Variants in NPAT observed in about 807,000 individuals in gnomAD.
NPAT encodes the protein nuclear protein, coactivator of histone transcription.
Under a neutral mutation model 130.7 loss-of-function variants are expected in NPAT, and 52 were observed. The observed-to-expected ratio is 0.40, with a 90% CI of 0.32 to 0.50. NPAT has a LOEUF of 0.50. Among genes scored for constraint, NPAT ranks in the 20% least tolerant of loss-of-function variants. The pLI, the probability that NPAT is intolerant of heterozygous loss-of-function variation, is 0.68. For missense variants in NPAT, 1,687 were observed against 1,662.6 expected (o/e 1.01, Z -0.26); for synonymous variants, 580 against 584.8 (o/e 0.99, Z 0.12).
intron 10 of NPAT, 76 bp from the exon 11 acceptor site, chr11:108,177,166 C>T: frequency 1.6e-6 from 1 of 643,664 alleles, no homozygotes; most frequent in Non-Finnish European, 2.6e-6. Flanking sequence ...ATATATAAGA[C>T]AGGGTCTCAC....
intron 15 of NPAT, among the ~76,000 whole-genome samples, chr11:108,168,209 C>G (rs1591387097): frequency 6.6e-6 from 1 of 152,058 alleles, no homozygotes; most frequent in East Asian, 1.9e-4. Context: ...GGGAATAAGC[C>G]CCCAAAGAAA....
chr11:108,186,762 T>C (rs1468855352), intron 7 of NPAT, among the ~76,000 whole-genome samples, 193 bp from the exon 8 acceptor site: 1 of 152,182 alleles, frequency 6.6e-6, no homozygotes, highest in Non-Finnish European at 1.5e-5. Context: ...CAGTCTGCAC[T>C]AGGAAGCCCA....
Position 108,169,766 on chromosome 11 carries a change from T to A in NPAT, c.2988A>T (p.Gly996=), listed in dbSNP as rs758051631. The A allele has an allele frequency of 3.1e-6, 5 of 1,612,370 alleles. No individual in the cohort carries two copies. In the Admixed American group the frequency reaches 8.3e-5, roughly 27 times the overall value. ...TACCTATACAAGGCTTGTTTCTTAGTCCCTGAGCCTTCTGAGATTTTGGAG... is the reference window on the plus strand; with the variant it reads ...TACCTATACAAGGCTTGTTTCTTAGACCCTGAGCCTTCTGAGATTTTGGAG... ...PVPPKSQKAQ[G]LRNKPCIGKQ... The change falls in exon 15 of 18, where the codon GGA becomes GGT. Residue 996 remains glycine (G), a synonymous_variant. Transcript: ENST00000278612.
chr11:108,192,925 G>A (rs991592856), intron 3 of NPAT, among the ~76,000 whole-genome samples: 2 of 151,876 alleles, frequency 1.3e-5, no homozygotes, highest in Non-Finnish European at 2.9e-5. Context: ...TTGCACTCCA[G>A]CCTGGGCAAC....
chr11:108,169,630 G>T, intron 15 of NPAT, 114 bp downstream of exon 15: 1 of 790,198 alleles, frequency 1.3e-6, no homozygotes, highest in Non-Finnish European at 2.2e-6. Flanking sequence ...CAAATGTAGG[G>T]TGATCACTTG....
intron 1 of NPAT, among the ~76,000 whole-genome samples, chr11:108,198,746 T>A (rs999209145): frequency 3.9e-5 from 6 of 152,178 alleles, no homozygotes; most frequent in Non-Finnish European, 7.3e-5. Flanking sequence ...CAACCACACA[T>A]GGGGACTACC....
chr11:108,161,464 T>C lies in NPAT; in HGVS notation c.3622A>G (p.Thr1208Ala), dbSNP rs1269371651. ...TTTGAAGATGTGCCTTGTTTTTTGG[T>C]CATTTCTTGCAGTGAAGCTATAGAT... ...EKSIASLQEM[T>A]KKQGTSSNNK... The change falls in exon 17 of 18, where the codon ACC (threonine) becomes GCC (alanine). Residue 1208 changes from threonine (T) to alanine (A), a missense_variant. By Grantham distance (58) the Thr-to-Ala change is moderately conservative. This residue lies in a region of NPAT where 1,379 missense variants were observed against 1,346.6 expected (regional missense o/e 1.02). Transcript: ENST00000278612. The C allele has an allele frequency of 1.2e-6, 2 of 1,614,218 alleles. No homozygotes were observed. The highest frequency in any genetic ancestry group is 1.7e-6 in the Non-Finnish European group (2 of 1,180,042).
chr11:108,196,263 C>G (rs2078219502), intron 2 of NPAT, among the ~76,000 whole-genome samples: 1 of 152,202 alleles, frequency 6.6e-6, no homozygotes, highest in Admixed American at 6.5e-5. Context: ...TTGTCAAAAT[C>G]AGATGTGTGG....
At chr11:108,193,734 C>A (rs560389651) in intron 3 of NPAT, among the ~76,000 whole-genome samples, 2 of 151,616 alleles carry the variant, frequency 1.3e-5, no homozygotes, top group South Asian at 2.1e-4. Context: ...TCAAAAAAAA[C>A]CAAAAAAACA....
intron 1 of NPAT, among the ~76,000 whole-genome samples, chr11:108,202,330 C>G (rs2078282432): frequency 1.3e-5 from 2 of 152,118 alleles, no homozygotes; most frequent in Non-Finnish European, 2.9e-5. Flanking sequence ...AGGTGGCAGA[C>G]CAAGCAGCTA....
chr11:108,172,754 T>A lies in NPAT; in HGVS notation c.2230A>T (p.Ile744Phe), dbSNP rs184005577. The A allele has an allele frequency of 5.6e-6, 9 of 1,613,592 alleles. No individual in the cohort carries two copies. Among genetic ancestry groups the A allele is most frequent in the Admixed American group, 3.3e-5 (2 of 60,028 alleles). The change falls in exon 13 of 18, where the codon ATT becomes TTT. Residue 744 changes from isoleucine to phenylalanine, a missense_variant. Transcript: ENST00000278612. ...ASNIVSLKVI[I>F]SDDPFVSSDT... ...GAGGAAACAAATGGATCATCACTAATGATAACTTTGAGAGAGACGATATTT... is the reference window on the plus strand; with the variant it reads ...GAGGAAACAAATGGATCATCACTAAAGATAACTTTGAGAGAGACGATATTT...
chr11:108,197,321 A>C lies in NPAT; in HGVS notation c.137T>G (p.Phe46Cys). Residue 46 changes from phenylalanine to cysteine, a missense_variant, in exon 2 of 18, where the codon TTT (phenylalanine) becomes TGT (cysteine). By Grantham distance (205) the Phe-to-Cys change is radical (BLOSUM62 -2). Transcript: ENST00000278612. ...ACTCACCAGTAAGCAGGCTGGAATA[A>C]ACCCTTCATCTGTACAATGTTCTGC... is the stretch of plus-strand genomic sequence containing the variant. ...EYAEHCTDEG[F>C]IPACLLSLFG... is the part of the protein sequence containing the mutation. 6.2e-7 allele frequency: 1 copy of C among 1,605,306 alleles called. No homozygotes were observed.
intron 7 of NPAT, among the ~76,000 whole-genome samples, chr11:108,187,384 C>T (rs981477832): frequency 7.9e-5 from 12 of 152,070 alleles, no homozygotes; most frequent in African/African-American, 1.4e-4. Context: ...CCCACAAGTT[C>T]GAGGCTGCAG....
intron 1 of NPAT, among the ~76,000 whole-genome samples, chr11:108,198,315 T>C (rs987583280): frequency 1.2e-4 from 19 of 152,140 alleles, no homozygotes; most frequent in Non-Finnish European, 2.8e-4. Context: ...GTATGGATCA[T>C]ACAGAGTCAA....
intron 7 of NPAT, among the ~76,000 whole-genome samples, chr11:108,186,836 T>C (rs551311709): frequency 1.3e-5 from 2 of 152,266 alleles, no homozygotes; most frequent in Admixed American, 1.3e-4. Flanking sequence ...TAATCTGTGT[T>C]CGGTTGAAAA....
At chr11:108,193,029 C>T (rs1406454254) in intron 3 of NPAT, among the ~76,000 whole-genome samples, 1 of 152,146 alleles carries the variant, frequency 6.6e-6, no homozygotes, top group African/African-American at 2.4e-5. Flanking sequence ...TGCTTATACA[C>T]AGACAATGTC....
In NPAT at chr11:108,177,187, A is replaced by G. The variant is rs146009797; in HGVS notation, c.907-97T>C. The G allele has an allele frequency of 3.4e-3, 1,906 of 553,516 alleles. 16 individuals carry two copies. The highest frequency in any genetic ancestry group is 0.03 in the Middle Eastern group (67 of 2,236). The allele number at this position is 553,516 out of a possible 1,614,324, so 34.3% of individuals were successfully genotyped here. A position where few individuals can be genotyped will look rare whatever the true frequency, so the allele number is the denominator to read the frequency against. On this transcript the variant is annotated intron_variant, in intron 10 of 17. Transcript: ENST00000278612. ...AAGACAGGGTCTCACTCTTTTGCTC[A>G]GGCTGGAGTGTAGTGGTACAGTGGT...
At chr11:108,218,097 T>C (rs962139068) in intron 1 of NPAT, among the ~76,000 whole-genome samples, 1 of 152,242 alleles carries the variant, frequency 6.6e-6, no homozygotes, top group Non-Finnish European at 1.5e-5. Flanking sequence ...ATTACTGTTT[T>C]TTCCTTTTAT....
At chr11:108,218,120 C>A (rs2078450634) in intron 1 of NPAT, among the ~76,000 whole-genome samples, 1 of 152,144 alleles carries the variant, frequency 6.6e-6, no homozygotes, top group Non-Finnish European at 1.5e-5. Flanking sequence ...CTAAAAACAA[C>A]TTAAGAATAA....
Sources: gnomAD v4.1 joint callset for allele counts (sites outside exome capture counted in the v4.1 genomes callset) on GRCh38, gnomAD v4.1.1 for gene constraint, gnomAD v4.1.1 regional missense constraint, MANE v1.5 for transcripts, NCBI Gene and HGNC (gene_info 2026-07-23, HGNC 2026-07-21) for gene names.